Variants in SLC37A1 observed in about 807,000 individuals in gnomAD.
SLC37A1 encodes the protein glucose-6-phosphate exchanger SLC37A1.
SLC37A1 carries 49 observed loss-of-function variants against 75.3 expected under a neutral mutation model. The ratio of observed to expected loss-of-function variants is 0.65; its 90% CI spans 0.52 to 0.83. SLC37A1 has a LOEUF of 0.83. SLC37A1 is among the 40% of genes least tolerant of loss of function. The pLI is 0.00. For synonymous variants in SLC37A1, 268 were observed against 292.1 expected, an observed-to-expected ratio of 0.92 and a Z score of 0.84; for missense variants, 566 against 695.0, an observed-to-expected ratio of 0.81 and a Z score of 2.09.
At chr21:42,559,228 C>G (rs750814163) in intron 11 of SLC37A1, 139 bp downstream of exon 11, 54 of 1,054,802 alleles carry the variant, frequency 5.1e-5, no homozygotes, top group Admixed American at 8.8e-5. Flanking sequence ...CAAAGCTAGA[C>G]GCTGCACAGT....
intron 2 of SLC37A1, 59 bp from the exon 3 acceptor site, chr21:42,525,717 T>A: frequency 8.3e-7 from 1 of 1,205,440 alleles, no homozygotes; most frequent in Non-Finnish European, 1.2e-6. Context: ...CAGTGATATG[T>A]ATTCCTAACA....
intron 10 of SLC37A1, among the ~76,000 whole-genome samples, chr21:42,558,086 C>T (rs941441362): frequency 2.0e-5 from 3 of 152,184 alleles, no homozygotes; most frequent in Non-Finnish European, 2.9e-5. Context: ...GGACTACAAG[C>T]GCATACCACC....
Position 42,535,460 on chromosome 21 carries a change from A to G in SLC37A1, c.272-12A>G. 1 of 1,612,254 alleles carries G rather than the reference A, an allele frequency of 6.2e-7. No individual in the cohort carries two copies. The highest frequency in any genetic ancestry group is 8.5e-7 in the Non-Finnish European group (1 of 1,178,280). On this transcript the variant is annotated splice_polypyrimidine_tract_variant and intron_variant, in intron 4 of 19. Coordinates refer to ENST00000352133, the MANE Select transcript of SLC37A1 (RefSeq NM_001320537.2). ...TACTGAGCTTGTCCTGCTGGTTTTC[A>G]AATTCATATAGATAAGAACAACTAT...
chr21:42,571,082 C>T (rs1447365045), intron 17 of SLC37A1, among the ~76,000 whole-genome samples: 1 of 152,214 alleles, frequency 6.6e-6, no homozygotes, highest in Non-Finnish European at 1.5e-5. Context: ...ATGGAAACGG[C>T]GCTCAGGCCT....
chr21:42,555,818 C>T (rs1241145549), intron 10 of SLC37A1, among the ~76,000 whole-genome samples: 2 of 152,244 alleles, frequency 1.3e-5, no homozygotes, highest in African/African-American at 4.8e-5. Context: ...TAAGTAAAGG[C>T]ACTGGCAGGC....
At chr21:42,518,840 A>G (rs1445736199) in intron 2 of SLC37A1, among the ~76,000 whole-genome samples, 3 of 152,178 alleles carry the variant, frequency 2.0e-5, no homozygotes, top group Non-Finnish European at 4.4e-5. Flanking sequence ...TAAGCACATA[A>G]CTTATATATA....
At chr21:42,578,154 G>A (rs896735385) in intron 18 of SLC37A1, among the ~76,000 whole-genome samples, 1 of 152,194 alleles carries the variant, frequency 6.6e-6, no homozygotes, top group African/African-American at 2.4e-5. Context: ...GTCCTGGGGG[G>A]CCAGAGGGCA....
chr21:42,543,646 C>CG (rs746774372), intron 8 of SLC37A1, 44 bp downstream of exon 8: 1 of 1,538,572 alleles, frequency 6.5e-7, no homozygotes, highest in African/African-American at 1.4e-5. Context: ...AGGGAGGCCT[C>CG]GGATTTCCCT....
chr21:42,521,173 T>C (rs1398720567), intron 2 of SLC37A1, among the ~76,000 whole-genome samples: 1 of 152,160 alleles, frequency 6.6e-6, no homozygotes, highest in East Asian at 1.9e-4. Context: ...AAATTCCATA[T>C]TCATTACTTA....
chr21:42,540,741 G>T (rs982269123), intron 6 of SLC37A1, among the ~76,000 whole-genome samples: 17 of 152,184 alleles, frequency 1.1e-4, no homozygotes, highest in Admixed American at 2.6e-4. Context: ...GATAGGTCAG[G>T]GGAATGCTAT....
exon 2 of SLC37A1, chr21:42,502,327 A>G (rs890886806): frequency 5.3e-5 from 8 of 152,216 alleles, no homozygotes; most frequent in Admixed American, 2.6e-4. Context: ...CTGAGCCTAA[A>G]TACATGTTGC....
In SLC37A1 at chr21:42,518,438, G is replaced by A. The variant is rs1361503008; in HGVS notation, c.-17G>A. On this transcript the variant is annotated 5_prime_UTR_variant, in exon 2 of 20. Transcript: ENST00000352133. ...TCTTATTCTGCGACCGAGGCTCAGT[G>A]GTCAGTGGCGACGTAAATGGCTCGA... The A allele has an allele frequency of 6.2e-6, 10 of 1,613,966 alleles. No individual in the cohort carries two copies.
chr21:42,579,673 C>T, intron 18 of SLC37A1, 63 bp from the exon 19 acceptor site: 1 of 1,590,216 alleles, frequency 6.3e-7, no homozygotes, highest in East Asian at 2.2e-5. Flanking sequence ...TCATGGTGCC[C>T]ACGGCGCGGG....
chr21:42,543,360 C>G, intron 7 of SLC37A1, 76 bp from the exon 8 acceptor site: 1 of 1,562,578 alleles, frequency 6.4e-7, no homozygotes, highest in Non-Finnish European at 8.8e-7. Context: ...TTTGCAGGCA[C>G]TGCTGCGCCC....
rs1258832891 is a variant in SLC37A1 at position 42,559,043 on chromosome 21, G to A, written c.935G>A (p.Gly312Glu). ...NHVVILPGDG[G>E]SGTAAISFTG... is the part of the protein sequence containing the mutation. ...GTCGTCATTCTCCCCGGGGACGGTGGGAGTGGCACGGCCGCCATCAGCTTC... is the reference window on the plus strand; with the variant it reads ...GTCGTCATTCTCCCCGGGGACGGTGAGAGTGGCACGGCCGCCATCAGCTTC... The change falls in exon 11 of 20, where the codon GGG (glycine) becomes GAG (glutamate). Residue 312 changes from glycine to glutamate, a missense_variant. Transcript: ENST00000352133. The A allele has an allele frequency of 1.9e-6, 3 of 1,613,666 alleles. No homozygotes were observed. The Middle Eastern group carries it at 4.9e-4, about 266-fold the overall frequency.
In SLC37A1 at chr21:42,543,578, G is replaced by A. The variant is rs1215275219; in HGVS notation, c.706G>A (p.Val236Met). 9 of 1,609,084 alleles carry A rather than the reference G, an allele frequency of 5.6e-6. No individual in the cohort carries two copies. The highest frequency in any genetic ancestry group is 1.3e-5 in the African/African-American group (1 of 74,644). The change falls in exon 8 of 20, where the codon GTG becomes ATG. Residue 236 changes from valine to methionine, a missense_variant. Physicochemically the swap from Val to Met is conservative, Grantham distance 21. Transcript: ENST00000352133. ...AGCCATCGTGGCAGCCATGGGGATAGTGTGCTTTCTCTTCCTCATTGAACG... is the reference window on the plus strand; with the variant it reads ...AGCCATCGTGGCAGCCATGGGGATAATGTGCTTTCTCTTCCTCATTGAACG... ...PGAIVAAMGI[V>M]CFLFLIEHPN...
chr21:42,554,235 A>C, intron 10 of SLC37A1, 93 bp downstream of exon 10: 1 of 1,053,030 alleles, frequency 9.5e-7, no homozygotes, highest in African/African-American at 1.6e-5. Flanking sequence ...TGCCTATGTG[A>C]CATGTGTCAC....
In SLC37A1 at chr21:42,527,357, G is replaced by A. The variant is rs8127886; in HGVS notation, c.138+1500G>A. Among the ~76,000 whole-genome samples the A allele has an allele frequency of 9.6e-3, 1,461 of 151,986 alleles. 18 individuals are homozygous for A. Among genetic ancestry groups the A allele is most frequent in the African/African-American group, 0.034 (1,395 of 41,412 alleles). On this transcript the variant is annotated intron_variant, in intron 3 of 19. Transcript: ENST00000352133. ...CAGGAGCAAGTGGGAGCCCTGTCCC[G>A]GTCCCTCTCCCGGCTTTCCTGGTGG... is the stretch of plus-strand genomic sequence containing the variant.
rs2055845085 is a variant in SLC37A1 at position 42,562,115 on chromosome 21, A to G, written c.1019A>G (p.Lys340Arg). ...IEFSLCLLFA[K>R]LVSYTFLFWL... is the part of the protein sequence containing the mutation. ...TTCTCACTGTGTCTGCTGTTTGCCA[A>G]GCTGGTCAGCTATACTTTCCTCTTC... Residue 340 changes from lysine to arginine, a missense_variant, in exon 12 of 20, where the codon AAG (lysine) becomes AGG (arginine). Coordinates refer to ENST00000352133, the MANE Select transcript of SLC37A1 (RefSeq NM_001320537.2). 6.2e-7 allele frequency: 1 copy of G among 1,614,038 alleles called. No individual in the cohort carries two copies. Among genetic ancestry groups the G allele is most frequent in the African/African-American group, 1.3e-5 (1 of 74,914 alleles).
Sources: gnomAD v4.1 joint callset for allele counts (sites outside exome capture counted in the v4.1 genomes callset) on GRCh38, gnomAD v4.1.1 for gene constraint, MANE v1.5 for transcripts, NCBI Gene and HGNC (gene_info 2026-07-23, HGNC 2026-07-21) for gene names.